Variants in FNDC3B observed in about 807,000 individuals in gnomAD.
FNDC3B encodes fibronectin type III domain-containing protein 3B.
Under a neutral mutation model 151.5 loss-of-function variants are expected in FNDC3B, and 12 were observed. The ratio of observed to expected loss-of-function variants is 0.08; its 90% confidence interval spans 0.05 to 0.13. FNDC3B has a LOEUF of 0.13. FNDC3B is among the 10% of genes least tolerant of loss of function. The pLI is 1.00. For missense variants in FNDC3B, 1,214 were observed against 1,505.3 expected (o/e 0.81, Z 3.20); for synonymous variants, 528 against 549.0 (o/e 0.96, Z 0.54).
chr3:172,307,438 C>T lies in FNDC3B; in HGVS notation c.1137C>T (p.Pro379=), dbSNP rs36032820. 0.012 allele frequency: 19,400 copies of T among 1,614,030 alleles called. 151 individuals carry two copies. Among genetic ancestry groups the T allele is most frequent in the Non-Finnish European group, 0.014 (16,066 of 1,179,910 alleles). ...GCTTCACCACCCACAGCTGTGCACC[C>T]GAGTGTCCTTTCCCCCCTAAGCTGG... ...PVSFTTHSCA[P]ECPFPPKLAH... The change falls in exon 10 of 26, where the codon CCC becomes CCT. Residue 379 remains proline (P), a synonymous_variant. Coordinates refer to ENST00000415807, the MANE Select transcript of FNDC3B (RefSeq NM_022763.4).
At chr3:172,295,002 G>T (rs1346364115) in intron 7 of FNDC3B, among the ~76,000 whole-genome samples, 2 of 152,174 alleles carry the variant, frequency 1.3e-5, no homozygotes, top group African/African-American at 4.8e-5. Flanking sequence ...CACCATGCAA[G>T]GCTTGAAACC....
At chr3:172,286,122 G>A in intron 7 of FNDC3B, 138 bp downstream of exon 7, 1 of 635,980 alleles carries the variant, frequency 1.6e-6, no homozygotes, top group Non-Finnish European at 2.8e-6. Context: ...ATGAAATAGT[G>A]TTCGGTTCAG....
chr3:172,044,283 CTTTT>C (rs767357950), intron 1 of FNDC3B, among the ~76,000 whole-genome samples: 7 of 110,396 alleles, frequency 6.3e-5, no homozygotes, highest in East Asian at 2.5e-4. Context: ...AATTCCAACT[CTTTT>C]TTTTTTTTTT....
chr3:172,260,323 T>C (rs1455721193), intron 6 of FNDC3B, among the ~76,000 whole-genome samples: 2 of 152,376 alleles, frequency 1.3e-5, no homozygotes, highest in East Asian at 1.9e-4. Context: ...ATTTAAAATA[T>C]GTACTAGTTG....
At chr3:172,056,240 C>T (rs538170692) in intron 1 of FNDC3B, among the ~76,000 whole-genome samples, 1 of 152,046 alleles carries the variant, frequency 6.6e-6, no homozygotes, top group African/African-American at 2.4e-5. Context: ...GTATTTTTAA[C>T]ACAGATTGGT....
chr3:172,394,109 A>T (rs1736157354), intron 25 of FNDC3B, among the ~76,000 whole-genome samples: 1 of 88,926 alleles, frequency 1.1e-5, no homozygotes, highest in Non-Finnish European at 2.1e-5. Context: ...CTCCTTCTAA[A>T]AAAAAAAAAA....
chr3:172,393,668 C>T (rs1012776123), intron 25 of FNDC3B, among the ~76,000 whole-genome samples: 5 of 151,986 alleles, frequency 3.3e-5, no homozygotes, highest in Non-Finnish European at 7.4e-5. Context: ...TGTTAAGAAA[C>T]TAGAAATCAA....
intron 13 of FNDC3B, among the ~76,000 whole-genome samples, chr3:172,331,225 C>T (rs1732640264): frequency 6.6e-6 from 1 of 152,160 alleles, no homozygotes; most frequent in African/African-American, 2.4e-5. Flanking sequence ...TGTCTCAGTG[C>T]CTTCCCCTCT....
At chr3:172,306,705 G>A (rs1731217177) in intron 9 of FNDC3B, among the ~76,000 whole-genome samples, 1 of 152,144 alleles carries the variant, frequency 6.6e-6, no homozygotes, top group Non-Finnish European at 1.5e-5. Flanking sequence ...CACATATGTT[G>A]CAGTGTTGAG....
At chr3:172,205,794 C>G (rs1251467404) in intron 3 of FNDC3B, among the ~76,000 whole-genome samples, 1 of 152,170 alleles carries the variant, frequency 6.6e-6, no homozygotes, top group East Asian at 1.9e-4. Flanking sequence ...GTTTGCTCCT[C>G]TTTGTTTTTG....
At chr3:172,205,439 A>G (rs1337307830) in intron 3 of FNDC3B, among the ~76,000 whole-genome samples, 1 of 152,178 alleles carries the variant, frequency 6.6e-6, no homozygotes, top group Non-Finnish European at 1.5e-5. Context: ...TCCTCAGACA[A>G]TCTTGTGAAA....
chr3:172,341,327 C>A, intron 17 of FNDC3B, 96 bp downstream of exon 17: 1 of 878,778 alleles, frequency 1.1e-6, no homozygotes, highest in Non-Finnish European at 1.9e-6. Flanking sequence ...AACAATGTAT[C>A]TTGGTAATGC....
chr3:172,301,734 C>T (rs952125975), intron 9 of FNDC3B: 6 of 152,064 alleles, frequency 3.9e-5, no homozygotes, highest in African/African-American at 9.7e-5. Flanking sequence ...GATGTATGCC[C>T]GTGGTCCCAG....
intron 7 of FNDC3B, among the ~76,000 whole-genome samples, chr3:172,293,457 C>T (rs1283643918): frequency 6.6e-6 from 1 of 152,166 alleles, no homozygotes; most frequent in Non-Finnish European, 1.5e-5. Context: ...TATCTTATTT[C>T]CCTAGATTTT....
intron 3 of FNDC3B, among the ~76,000 whole-genome samples, chr3:172,141,441 T>G (rs1438267857): frequency 6.6e-6 from 1 of 152,246 alleles, no homozygotes; most frequent in Non-Finnish European, 1.5e-5. Context: ...CGTTCACTCT[T>G]GCACCACGCC....
At chr3:172,183,958 A>C (rs888897548) in intron 3 of FNDC3B, among the ~76,000 whole-genome samples, 1 of 152,206 alleles carries the variant, frequency 6.6e-6, no homozygotes, top group Non-Finnish European at 1.5e-5. Context: ...TGCCAGGTAC[A>C]TGGCTAGATG....
chr3:172,175,445 G>C (rs756942239), intron 3 of FNDC3B, among the ~76,000 whole-genome samples: 24 of 152,110 alleles, frequency 1.6e-4, no homozygotes, highest in Non-Finnish European at 2.9e-4. Flanking sequence ...TTCACCTCTT[G>C]TTTTCTTTTT....
chr3:172,121,144 G>T (rs183938822), intron 2 of FNDC3B, among the ~76,000 whole-genome samples: 28 of 152,238 alleles, frequency 1.8e-4, no homozygotes, highest in Non-Finnish European at 3.2e-4. Context: ...TGGTCATCCG[G>T]GTTTGGAATC....
At chr3:172,365,390 CT>C (rs1429408842) in intron 23 of FNDC3B, among the ~76,000 whole-genome samples, 1 of 152,182 alleles carries the variant, frequency 6.6e-6, no homozygotes, top group Non-Finnish European at 1.5e-5. Context: ...ATATATCCCG[CT>C]TGTGGCCAAG....
Sources: allele counts gnomAD v4.1 joint callset (sites outside exome capture counted in the v4.1 genomes callset), GRCh38; gene constraint gnomAD v4.1.1; transcripts MANE v1.5; gene names NCBI Gene and HGNC (gene_info 2026-07-23, HGNC 2026-07-21).